Variants in SVOPL observed in about 807,000 individuals in gnomAD.
SVOPL encodes putative transporter SVOPL.
A neutral mutation model predicts 61.0 loss-of-function variants in SVOPL; 60 were observed. The ratio of observed to expected loss-of-function variants is 0.98; its 90% confidence interval spans 0.80 to 1.22. SVOPL has a LOEUF of 1.22. Ranked by LOEUF, SVOPL falls within the 50% of genes most tolerant of loss-of-function variation. The pLI is 0.00. For missense variants in SVOPL, 662 were observed against 643.9 expected (o/e 1.03, Z -0.30); for synonymous variants, 279 against 250.0 (o/e 1.12, Z -1.09).
At chr7:138,604,702 TTAATA>T (rs1798678302) in intron 14 of SVOPL, among the ~76,000 whole-genome samples, 1 of 110,710 alleles carries the variant, frequency 9.0e-6, no homozygotes, top group African/African-American at 3.7e-5. Flanking sequence ...AAAAAAAAAG[TTAATA>T]TAAGAAATAA....
chr7:138,697,693 G>T (rs1237262473), intron 1 of SVOPL, among the ~76,000 whole-genome samples: 1 of 148,612 alleles, frequency 6.7e-6, no homozygotes, highest in Non-Finnish European at 1.5e-5. Flanking sequence ...AGAGGAAGAA[G>T]AAGAGGAAGA....
At chr7:138,659,710 A>G (rs1801916038) in intron 6 of SVOPL, among the ~76,000 whole-genome samples, 154 bp downstream of exon 6, 1 of 152,022 alleles carries the variant, frequency 6.6e-6, no homozygotes, top group Non-Finnish European at 1.5e-5. Context: ...CCACATCCTT[A>G]ACTTTGGCAA....
chr7:138,628,406 G>C, intron 10 of SVOPL, 43 bp from the exon 11 acceptor site: 2 of 1,594,452 alleles, frequency 1.3e-6, no homozygotes, highest in Non-Finnish European at 1.7e-6. Context: ...GCTGACACCA[G>C]ACCTGAAGGA....
chr7:138,603,959 T>A (rs898713855), intron 14 of SVOPL, among the ~76,000 whole-genome samples: 1 of 128,592 alleles, frequency 7.8e-6, no homozygotes, highest in Non-Finnish European at 1.7e-5. Context: ...TTTATTCTTT[T>A]TTTTTTTTTT....
At chr7:138,604,370 TATAAA>T (rs1435588698) in intron 14 of SVOPL, among the ~76,000 whole-genome samples, 3 of 152,202 alleles carry the variant, frequency 2.0e-5, no homozygotes, top group Non-Finnish European at 2.9e-5. Context: ...ATCTTGTTAA[TATAAA>T]ATATGTTAAT....
intron 4 of SVOPL, among the ~76,000 whole-genome samples, chr7:138,667,518 C>T (rs993201525): frequency 2.0e-5 from 3 of 152,154 alleles, no homozygotes; most frequent in South Asian, 2.1e-4. Context: ...TTGATGCTTC[C>T]TTTACTCTCC....
At chr7:138,632,511 T>C (rs1347156317) in intron 9 of SVOPL, among the ~76,000 whole-genome samples, 1 of 150,954 alleles carries the variant, frequency 6.6e-6, no homozygotes, top group Non-Finnish European at 1.5e-5. Flanking sequence ...GCTGAAGGCT[T>C]GAGAAGGAAA....
In SVOPL at chr7:138,606,125, G is replaced by A. The variant is rs78864468; in HGVS notation, c.1354-9595C>T. 4.3e-3 allele frequency among the ~76,000 whole-genome samples: 647 copies of A among 152,198 alleles called. 17 individuals are homozygous for A. In the East Asian group the frequency reaches 0.049, roughly 11 times the overall value. ...ACAAAAATTAGCCATCTATGCACACGTCCTGGTCCTCATGGCGAGTAAAGT... is the reference window on the plus strand; with the variant it reads ...ACAAAAATTAGCCATCTATGCACACATCCTGGTCCTCATGGCGAGTAAAGT... On this transcript the variant is annotated intron_variant, in intron 14 of 15. Transcript: ENST00000674285.
chr7:138,610,803 C>G (rs1798965610), intron 14 of SVOPL, among the ~76,000 whole-genome samples: 1 of 152,238 alleles, frequency 6.6e-6, no homozygotes. Context: ...GCCCAAGAAT[C>G]TATTTGTTCT....
chr7:138,601,169 G>A (rs751773231), intron 14 of SVOPL, among the ~76,000 whole-genome samples: 4 of 150,458 alleles, frequency 2.7e-5, no homozygotes, highest in Non-Finnish European at 5.9e-5. Context: ...GGAGAATGGC[G>A]TGAATTCGGG....
At chr7:138,684,065 G>A (rs1264956527) in intron 1 of SVOPL, among the ~76,000 whole-genome samples, 1 of 150,840 alleles carries the variant, frequency 6.6e-6, no homozygotes, top group Non-Finnish European at 1.5e-5. Context: ...CAGGGGGGCA[G>A]GTGGCAAAGA....
chr7:138,630,087 A>G lies in SVOPL; in HGVS notation c.825T>C (p.Ala275=). The G allele has an allele frequency of 1.2e-6, 2 of 1,614,028 alleles. No homozygotes were observed. Among genetic ancestry groups the G allele is most frequent in the Non-Finnish European group, 1.7e-6 (2 of 1,179,882 alleles). Residue 275 remains alanine (A), a synonymous_variant, in exon 10 of 16, where the codon GCT becomes GCC. Coordinates refer to ENST00000674285, the MANE Select transcript of SVOPL (RefSeq NM_001139456.2). The part of the protein sequence containing the change: ...KRGRFADLLD[A]KYLRTTLQIW... ...TCTGTAATGTGGTCCGTAAATATTT[A>G]GCATCCAATAGGTCTGCAAATCTTC...
chr7:138,696,598 A>C (rs1269952640), intron 1 of SVOPL, among the ~76,000 whole-genome samples: 2 of 151,678 alleles, frequency 1.3e-5, no homozygotes, highest in Admixed American at 6.6e-5. Flanking sequence ...AATTTTTTGT[A>C]TTTTTGGTAG....
chr7:138,641,817 T>TC (rs1563112093), intron 9 of SVOPL, among the ~76,000 whole-genome samples: 7 of 129,584 alleles, frequency 5.4e-5, no homozygotes, highest in African/African-American at 2.0e-4. Context: ...ATATATGTTA[T>TC]ATATATATAT....
chr7:138,641,815 T>TATATATATATATATATATATATATATAAC (rs1800805889), intron 9 of SVOPL, among the ~76,000 whole-genome samples: 2 of 4,600 alleles, frequency 4.3e-4, no homozygotes, highest in African/African-American at 4.4e-4. Context: ...ATATATATGT[T>TATATATATATATATATATATATATATAAC]ATATATATAT....
At chr7:138,596,563 A>G in intron 14 of SVOPL, 33 bp from the exon 15 acceptor site, 1 of 1,609,144 alleles carries the variant, frequency 6.2e-7, no homozygotes, top group Middle Eastern at 1.7e-4. Context: ...TCAATTTATT[A>G]TGCTCCAGTT....
In SVOPL at chr7:138,645,026, G is replaced by T. The variant is rs571766348; in HGVS notation, c.661-181C>A. Among the ~76,000 whole-genome samples, 12 of 152,300 alleles carry T rather than the reference G, an allele frequency of 7.9e-5. No homozygotes were observed. The South Asian group carries it at 2.3e-3, about 29-fold the overall frequency. On this transcript the variant is annotated intron_variant, in intron 8 of 15. Coordinates refer to ENST00000674285, the MANE Select transcript of SVOPL (RefSeq NM_001139456.2). ...TTCAAAGTTGATTTGGAACAAAAAAGGTCATGTTCTCCTTATCATAGTCCC... is the reference window on the plus strand; with the variant it reads ...TTCAAAGTTGATTTGGAACAAAAAATGTCATGTTCTCCTTATCATAGTCCC...
At chr7:138,663,033 A>G (rs764811383) in intron 5 of SVOPL, 41 bp downstream of exon 5, 1 of 1,613,658 alleles carries the variant, frequency 6.2e-7, no homozygotes, top group Non-Finnish European at 8.5e-7. Flanking sequence ...AAAAGAATAC[A>G]CAAAAGACAA....
At chr7:138,652,404 C>T (rs1182599690) in intron 7 of SVOPL, among the ~76,000 whole-genome samples, 1 of 151,706 alleles carries the variant, frequency 6.6e-6, no homozygotes, top group Non-Finnish European at 1.5e-5. Context: ...CTAGGCTGGT[C>T]TCAAACTCCT....
Sources: allele counts gnomAD v4.1 joint callset (sites outside exome capture counted in the v4.1 genomes callset), GRCh38; gene constraint gnomAD v4.1.1; transcripts MANE v1.5; gene names NCBI Gene and HGNC (gene_info 2026-07-23, HGNC 2026-07-21).